The following RGS7 variants were observed in gnomAD, a reference collection of about 807,000 sequenced individuals.
RGS7 encodes regulator of G-protein signaling 7.
RGS7 carries 27 observed loss-of-function variants against 81.1 expected under a neutral mutation model. The observed-to-expected ratio is 0.33, with a 90% CI of 0.25 to 0.46. RGS7 has a LOEUF of 0.46. Ranked by LOEUF, RGS7 falls within the 20% of genes least tolerant of loss-of-function variation. The pLI is 1.00. For missense variants in RGS7, 396 were observed against 607.4 expected, an observed-to-expected ratio of 0.65 and a Z score of 3.66; for synonymous variants, 208 against 207.7, an observed-to-expected ratio of 1.00 and a Z score of -0.01.
intron 2 of RGS7, among the ~76,000 whole-genome samples, chr1:241,207,115 C>T (rs1193244997): frequency 2.0e-5 from 3 of 151,374 alleles, no homozygotes; most frequent in East Asian, 2.0e-4. Flanking sequence ...ACTACAGGTG[C>T]CCACCACCAC....
rs566452852 is a variant in RGS7, at chr1:240,894,414, C to G, written c.386-24295G>C. ...TTCTTGTGCTCTCCTACTGAAACCC[C>G]TCTCATGTGTTCTCTTCTGGGTCTA... On this transcript the variant is annotated intron_variant, in intron 6 of 18. Coordinates refer to ENST00000440928, the MANE Select transcript of RGS7 (RefSeq NM_001364886.1). 3.3e-5 allele frequency among the ~76,000 whole-genome samples: 5 copies of G among 152,128 alleles called. No homozygotes were observed. In the East Asian group the frequency reaches 9.7e-4, roughly 29 times the overall value.
intron 3 of RGS7, among the ~76,000 whole-genome samples, chr1:241,063,328 G>A (rs933441267): frequency 4.6e-5 from 7 of 152,172 alleles, no homozygotes; most frequent in Admixed American, 4.6e-4. Context: ...TGGTGAATAC[G>A]AAGTGGAGGT....
chr1:240,878,098 T>A (rs969579224), intron 6 of RGS7, among the ~76,000 whole-genome samples: 3 of 152,068 alleles, frequency 2.0e-5, no homozygotes, highest in African/African-American at 7.2e-5. Flanking sequence ...ACACCAGATG[T>A]CCCCTATGTC....
At position 240,920,734 on chromosome 1, in the gene RGS7, A is replaced by T. The variant is rs1415896158; in HGVS notation, c.385+9983T>A. 8.5e-6 allele frequency: 5 copies of T among 587,036 alleles called. No homozygotes were observed. The Admixed American group carries it at 1.1e-4, about 13-fold the overall frequency. 36.4% of individuals were successfully genotyped at this position (587,036 alleles called of 1,614,324 possible). A position where few individuals can be genotyped will look rare whatever the true frequency, so the allele number is the denominator to read the frequency against. On this transcript the variant is annotated intron_variant, in intron 6 of 18. Transcript: ENST00000440928. ...GCAGGGCCTAGCTGCTACAAAGAAG[A>T]CATGTTTTAGACAAATACTCACGTG...
At chr1:241,189,007 C>T (rs182976003) in intron 2 of RGS7, among the ~76,000 whole-genome samples, 43 of 152,246 alleles carry the variant, frequency 2.8e-4, no homozygotes, top group Admixed American at 2.5e-3. Flanking sequence ...CAGGGTCTCA[C>T]TCTGTTGCTC....
chr1:240,946,893 A>G (rs992364561), intron 4 of RGS7, among the ~76,000 whole-genome samples: 2 of 152,240 alleles, frequency 1.3e-5, no homozygotes, highest in African/African-American at 4.8e-5. Context: ...TACCGCAAAG[A>G]CATGATAAAT....
chr1:241,073,533 A>T (rs1248338397), intron 3 of RGS7, among the ~76,000 whole-genome samples: 1 of 152,180 alleles, frequency 6.6e-6, no homozygotes. Flanking sequence ...CTATACTAGG[A>T]CCCTTGACAC....
In RGS7 at chr1:240,844,071, T is replaced by C. The variant is rs373061066; in HGVS notation, c.610-16899A>G. 9.2e-5 allele frequency among the ~76,000 whole-genome samples: 14 copies of C among 152,306 alleles called. No individual in the cohort carries two copies. The East Asian group carries it at 2.7e-3, about 29-fold the overall frequency. On this transcript the variant is annotated intron_variant, in intron 9 of 18. Coordinates refer to ENST00000440928, the MANE Select transcript of RGS7 (RefSeq NM_001364886.1). ...ACACATTTTAAATCTTAGTTTCGCTTTGATATGATTTCAAACCTACAAGGA... is the reference window on the plus strand; with the variant it reads ...ACACATTTTAAATCTTAGTTTCGCTCTGATATGATTTCAAACCTACAAGGA...
chr1:241,050,458 A>G (rs536899944), intron 3 of RGS7, among the ~76,000 whole-genome samples: 1 of 152,210 alleles, frequency 6.6e-6, no homozygotes, highest in Non-Finnish European at 1.5e-5. Context: ...GAGGAGTCCA[A>G]GAATTCCAAA....
At chr1:241,130,422 G>A (rs1294572693) in intron 2 of RGS7, among the ~76,000 whole-genome samples, 1 of 151,156 alleles carries the variant, frequency 6.6e-6, no homozygotes, top group Non-Finnish European at 1.5e-5. Flanking sequence ...ATACTTTTAA[G>A]AACTAGGATG....
At chr1:240,898,164 C>A (rs1438563489) in intron 6 of RGS7, among the ~76,000 whole-genome samples, 1 of 151,518 alleles carries the variant, frequency 6.6e-6, no homozygotes, top group Non-Finnish European at 1.5e-5. Flanking sequence ...CTATTTGATT[C>A]TTCTCTCTCT....
At chr1:240,957,380 T>G (rs376603) in intron 4 of RGS7, among the ~76,000 whole-genome samples, 152,083 of 152,272 alleles carry the variant, frequency 1, 75,947 homozygotes, top group Middle Eastern at 1. Context: ...TGAGGCTTTG[T>G]GACTCCGACT....
intron 4 of RGS7, among the ~76,000 whole-genome samples, chr1:240,948,832 A>G (rs1230491227): frequency 6.7e-6 from 1 of 149,946 alleles, no homozygotes; most frequent in Non-Finnish European, 1.5e-5. Flanking sequence ...CATATATAGT[A>G]TAACATACAT....
At chr1:241,209,107 A>T (rs1035510499) in intron 2 of RGS7, among the ~76,000 whole-genome samples, 3 of 152,182 alleles carry the variant, frequency 2.0e-5, no homozygotes, top group Non-Finnish European at 4.4e-5. Flanking sequence ...ATTAATTATT[A>T]AATCAGTGTC....
intron 2 of RGS7, among the ~76,000 whole-genome samples, chr1:241,221,125 G>C (rs2074978470): frequency 6.9e-6 from 1 of 144,870 alleles, no homozygotes; most frequent in Non-Finnish European, 1.5e-5. Context: ...GGGAGGGAAA[G>C]AAAGAAAGAA....
chr1:241,238,815 T>C (rs963628035), intron 2 of RGS7, among the ~76,000 whole-genome samples: 1 of 152,134 alleles, frequency 6.6e-6, no homozygotes, highest in Non-Finnish European at 1.5e-5. Flanking sequence ...AATATATGTA[T>C]AATGTCTAGA....
rs145781665 is a variant in RGS7 at position 241,035,460 on chromosome 1, C to A, written c.176-52331G>T. Among the ~76,000 whole-genome samples, 382 of 152,164 alleles carry A rather than the reference C, an allele frequency of 2.5e-3. 1 individual carries two copies. Among genetic ancestry groups the A allele is most frequent in the Non-Finnish European group, 4.9e-3 (330 of 67,990 alleles). ...TGGTTGGGATAATTATGAAACATTT[C>A]GGAACTGGGATATAGCTCAAAATAC... On this transcript the variant is annotated intron_variant, in intron 3 of 18. Coordinates refer to ENST00000440928, the MANE Select transcript of RGS7 (RefSeq NM_001364886.1).
At chr1:241,159,031 A>G (rs999536378) in intron 2 of RGS7, among the ~76,000 whole-genome samples, 11 of 152,340 alleles carry the variant, frequency 7.2e-5, no homozygotes, top group African/African-American at 2.6e-4. Flanking sequence ...ATTTTTCAAG[A>G]TATATGAGCT....
At position 241,001,845 on chromosome 1, in the gene RGS7, TA is replaced by T. The variant is rs557591118; in HGVS notation, c.176-18717del. 2.7e-3 allele frequency among the ~76,000 whole-genome samples: 406 copies of T among 152,282 alleles called. 2 individuals are homozygous for T. Among genetic ancestry groups the T allele is most frequent in the African/African-American group, 9.4e-3 (391 of 41,558 alleles). The stretch of plus-strand genomic sequence containing the variant: ...GAAATGACTCTATATGATATTCCAG[TA>T]GTGGATTCTTGTCATTATAACCCAT... On this transcript the variant is annotated intron_variant, in intron 3 of 18. Coordinates refer to ENST00000440928, the MANE Select transcript of RGS7 (RefSeq NM_001364886.1).
Sources: allele counts gnomAD v4.1 joint callset (sites outside exome capture counted in the v4.1 genomes callset), GRCh38; gene constraint gnomAD v4.1.1; transcripts MANE v1.5; gene names NCBI Gene and HGNC (gene_info 2026-07-23, HGNC 2026-07-21).